The following HOXC6 variants were observed in gnomAD, a reference collection of about 807,000 sequenced individuals.
HOXC6 encodes the protein homeobox C6, also known as homeobox protein Hox-C6.
A neutral mutation model predicts 24.0 loss-of-function variants in HOXC6; 10 were observed. The observed-to-expected ratio is 0.42, with a 90% CI of 0.26 to 0.71. The LOEUF (loss-of-function observed/expected upper bound fraction) is 0.71. Ranked by LOEUF, HOXC6 falls within the 30% of genes least tolerant of loss-of-function variation. The pLI is 0.28. For missense variants in HOXC6, 258 were observed against 303.4 expected, an observed-to-expected ratio of 0.85 and a Z score of 1.11; for synonymous variants, 123 against 128.1, an observed-to-expected ratio of 0.96 and a Z score of 0.27.
chr12:54,027,332 C>T (rs1415774363), upstream of HOXC6, among the ~76,000 whole-genome samples: 1 of 152,208 alleles, frequency 6.6e-6, no homozygotes, highest in Non-Finnish European at 1.5e-5. Context: ...AGGGGCGCCT[C>T]CACTGGCGGT....
intron 1 of HOXC6, chr12:54,021,373 G>T (rs1032724329): frequency 6.6e-6 from 1 of 152,286 alleles, no homozygotes; most frequent in Non-Finnish European, 1.5e-5. Context: ...CGGGCAGCAC[G>T]GGAGAGGACG....
upstream of HOXC6, among the ~76,000 whole-genome samples, chr12:54,024,413 C>G (rs1181906749): frequency 6.6e-6 from 1 of 152,164 alleles, no homozygotes; most frequent in Non-Finnish European, 1.5e-5. Flanking sequence ...GTATGTGTAT[C>G]TGTGTGCGAG....
At chr12:54,019,043 T>G (rs1940300199) in intron 1 of HOXC6, among the ~76,000 whole-genome samples, 2 of 152,050 alleles carry the variant, frequency 1.3e-5, no homozygotes, top group African/African-American at 4.8e-5. Context: ...TGACGGTGAA[T>G]TTTATCTCCC....
In HOXC6 at chr12:54,030,677, A is replaced by T. The variant is rs1457912224; in HGVS notation, c.*715A>T. 6.5e-6 allele frequency: 1 copy of T among 152,680 alleles called. No individual in the cohort carries two copies. The highest frequency in any genetic ancestry group is 2.4e-5 in the African/African-American group (1 of 41,472). 9.5% of individuals were successfully genotyped at this position (152,680 alleles called of 1,614,324 possible). On this transcript the variant is annotated 3_prime_UTR_variant, in exon 2 of 2. Transcript: ENST00000243108. ...AAAAAAGAGGGAAAATTACAAAAAG[A>T]GAGAAAAAAAGTGAATGACGTTTGT...
chr12:54,030,263 A>G lies in HOXC6; in HGVS notation c.*301A>G, dbSNP rs1940932555. 8.9e-6 allele frequency: 2 copies of G among 225,818 alleles called. No homozygotes were observed. The highest frequency in any genetic ancestry group is 1.7e-5 in the Non-Finnish European group (2 of 114,914). The allele number at this position is 225,818 out of a possible 1,614,324, so 14.0% of individuals were successfully genotyped here. ...CGGACCCTGAACTCAGACTCTACAG[A>G]TTGCCCTCCAAGTGAGGACTTGGCT... On this transcript the variant is annotated 3_prime_UTR_variant, in exon 2 of 2. Transcript: ENST00000243108.
intron 1 of HOXC6, chr12:54,022,258 TA>T (rs1940482646): frequency 6.6e-6 from 1 of 152,264 alleles, no homozygotes; most frequent in African/African-American, 2.4e-5. Context: ...GGTGGATTCA[TA>T]AAGCTAGATA....
upstream of HOXC6, among the ~76,000 whole-genome samples, chr12:54,027,682 G>A (rs1269799365): frequency 6.6e-6 from 1 of 152,078 alleles, no homozygotes; most frequent in Admixed American, 6.5e-5. Flanking sequence ...TGCTGGAAGA[G>A]TTTTCCCAAC....
At chr12:54,019,401 A>G (rs532657307) in intron 1 of HOXC6, among the ~76,000 whole-genome samples, 1 of 152,060 alleles carries the variant, frequency 6.6e-6, no homozygotes, top group African/African-American at 2.4e-5. Context: ...AGTCTGTGGG[A>G]CCTGAAAAGG....
intron 1 of HOXC6, chr12:54,022,556 C>T (rs750724753): frequency 8.5e-5 from 13 of 152,122 alleles, no homozygotes; most frequent in Admixed American, 2.0e-4. Flanking sequence ...ATGGTTCTTT[C>T]AGATCTGCAA....
At chr12:54,028,302 C>A, upstream of HOXC6, 1 of 417,792 alleles carries the variant, frequency 2.4e-6, no homozygotes. Flanking sequence ...ACTTTCAAAG[C>A]ACACACTTAG....
At chr12:54,016,962 A>G (rs1369457400) in exon 1 of HOXC6, 1 of 147,796 alleles carries the variant, frequency 6.8e-6, no homozygotes, top group Non-Finnish European at 1.5e-5. Context: ...CATTAGCAGT[A>G]TTTTTTTTAA....
At chr12:54,019,554 G>A (rs1217877686) in intron 1 of HOXC6, among the ~76,000 whole-genome samples, 1 of 152,194 alleles carries the variant, frequency 6.6e-6, no homozygotes, top group Non-Finnish European at 1.5e-5. Context: ...CCGCCCCTGT[G>A]GATGGCCGCT....
At position 54,028,797 on chromosome 12, in the gene HOXC6, A is replaced by G; in HGVS notation, c.276A>G (p.Leu92=). Residue 92 remains leucine, a synonymous_variant, in exon 1 of 2, where the codon TTA becomes TTG. Transcript: ENST00000243108. The part of the protein sequence containing the change: ...DMLSNCRQNT[L]GHNTQTSIAQ... ...TCTCAAACTGCAGACAAAACACCTT[A>G]GGACATAACACACAGACCTCAATCG... The G allele has an allele frequency of 6.2e-7, 1 of 1,614,174 alleles. No homozygotes were observed. Among genetic ancestry groups the G allele is most frequent in the Non-Finnish European group, 8.5e-7 (1 of 1,180,028 alleles).
chr12:54,022,470 T>C (rs2136422952), intron 1 of HOXC6: 1 of 152,286 alleles, frequency 6.6e-6, no homozygotes, highest in East Asian at 1.9e-4. Context: ...ATCATTGAAG[T>C]AAGTAATATT....
chr12:54,023,185 C>G (rs778236023), intron 1 of HOXC6, among the ~76,000 whole-genome samples: 1 of 152,160 alleles, frequency 6.6e-6, no homozygotes, highest in African/African-American at 2.4e-5. Context: ...GGCTTGGGCA[C>G]CAGCCCCCAA....
At chr12:54,024,420 C>G (rs550992068), upstream of HOXC6, among the ~76,000 whole-genome samples, 2 of 152,204 alleles carry the variant, frequency 1.3e-5, no homozygotes, top group African/African-American at 2.4e-5. Context: ...TATCTGTGTG[C>G]GAGGGTTGGT....
chr12:54,025,532 G>A (rs994457821), upstream of HOXC6, among the ~76,000 whole-genome samples: 7 of 46,944 alleles, frequency 1.5e-4, no homozygotes, highest in Non-Finnish European at 3.8e-4. Context: ...GTAATTGGGG[G>A]GGGGGGAGGT....
intron 1 of HOXC6, among the ~76,000 whole-genome samples, chr12:54,018,026 C>T (rs1940237441): frequency 6.6e-6 from 1 of 152,138 alleles, no homozygotes; most frequent in African/African-American, 2.4e-5. Flanking sequence ...TGTTAATTGG[C>T]AATTAGGGGG....
chr12:54,028,389 G>A (rs1940823916), upstream of HOXC6: 4 of 973,056 alleles, frequency 4.1e-6, no homozygotes, highest in Admixed American at 1.1e-4. Context: ...TTGGCTGGGA[G>A]GGGGTCAGCT....
Sources: gnomAD v4.1 joint callset for allele counts (sites outside exome capture counted in the v4.1 genomes callset) on GRCh38, gnomAD v4.1.1 for gene constraint, MANE v1.5 for transcripts, NCBI Gene and HGNC (gene_info 2026-07-23, HGNC 2026-07-21) for gene names.